Variants in AKR1C1 observed in about 807,000 individuals in gnomAD.
AKR1C1 encodes the protein aldo-keto reductase family 1 member C1.
AKR1C1 carries 32 observed loss-of-function variants against 40.6 expected under a neutral mutation model. The ratio of observed to expected loss-of-function variants is 0.79; its 90% CI spans 0.60 to 1.06. AKR1C1 has a LOEUF of 1.06. AKR1C1 is among the 50% of genes least tolerant of loss of function. The pLI, the probability that AKR1C1 is intolerant of heterozygous loss-of-function variation, is 0.00. For missense variants in AKR1C1, 320 were observed against 363.5 expected, an observed-to-expected ratio of 0.88 and a Z score of 0.97; for synonymous variants, 105 against 134.2, an observed-to-expected ratio of 0.78 and a Z score of 1.50.
intron 5 of AKR1C1, chr10:4,969,905 C>T (rs560673844): frequency 5.6e-4 from 312 of 560,074 alleles, no homozygotes; most frequent in African/African-American, 3.6e-3. Context: ...TATAATGATA[C>T]GGTGCTGTGA....
At chr10:4,971,588 T>C (rs1333621288) in intron 5 of AKR1C1, among the ~76,000 whole-genome samples, 2 of 148,222 alleles carry the variant, frequency 1.3e-5, no homozygotes, top group African/African-American at 4.9e-5. Flanking sequence ...ACAAAAGCAC[T>C]TGTTTCATAG....
rs1836605653 is a variant in AKR1C1, at chr10:4,980,962, C to A, written c.*3220C>A. On this transcript the variant is annotated 3_prime_UTR_variant, in exon 9 of 9. Coordinates refer to ENST00000380872, the MANE Select transcript of AKR1C1 (RefSeq NM_001353.6). ...GAAATGTATTTCCTGAACCATAAAA[C>A]AAGAACATCAAAATTACTCTATGAT... 1 of 152,156 alleles carries A rather than the reference C, an allele frequency of 6.6e-6. No individual in the cohort carries two copies. Among genetic ancestry groups the A allele is most frequent in the Non-Finnish European group, 1.5e-5 (1 of 68,022 alleles). 9.4% of individuals were successfully genotyped at this position (152,156 alleles called of 1,614,324 possible).
chr10:4,974,987 A>G (rs1836503670), intron 7 of AKR1C1, among the ~76,000 whole-genome samples: 2 of 152,108 alleles, frequency 1.3e-5, no homozygotes, highest in Non-Finnish European at 2.9e-5. Context: ...TGTGGAGAGA[A>G]CTAAATGTTT....
chr10:4,965,310 C>T (rs1372307077), intron 1 of AKR1C1, among the ~76,000 whole-genome samples: 1 of 152,058 alleles, frequency 6.6e-6, no homozygotes, highest in Non-Finnish European at 1.5e-5. Context: ...CTCGCTTTGT[C>T]GTCCAGGCTG....
In AKR1C1 at chr10:4,968,355, T is replaced by C; in HGVS notation, c.416T>C (p.Phe139Ser). The change falls in exon 4 of 9, where the codon TTT becomes TCT. Residue 139 changes from phenylalanine (F) to serine (S), a missense_variant. Phe to Ser is a radical substitution (Grantham distance 155). Around this residue, in one of 3 missense-constraint regions of AKR1C1, gnomAD observed 214 missense variants for 214.8 expected, o/e 1.00. Transcript: ENST00000380872. The part of the protein sequence containing the change: ...IPKDENGKIL[F>S]DTVDLCATWE... ...AAAGATGAAAATGGAAAAATACTAT[T>C]TGACACAGTGGATCTCTGTGCCACA... The C allele has an allele frequency of 6.3e-7, 1 of 1,576,582 alleles. No homozygotes were observed. The highest frequency in any genetic ancestry group is 1.7e-5 in the Admixed American group (1 of 57,336).
Position 4,972,571 on chromosome 10 carries a change from C to A in AKR1C1, c.681-13C>A. ...CAGCCTCAGGGCCTCAGCCTTTCTG[C>A]CTTTCCTTCCAGGGTGGACCCGAAC... On this transcript the variant is annotated splice_polypyrimidine_tract_variant and intron_variant, in intron 6 of 8. Transcript: ENST00000380872. 6.2e-7 allele frequency: 1 copy of A among 1,613,328 alleles called. No individual in the cohort carries two copies. The highest frequency in any genetic ancestry group is 8.5e-7 in the Non-Finnish European group (1 of 1,179,698).
Position 4,976,441 on chromosome 10 carries a change from A to C in AKR1C1, c.929+508A>C, listed in dbSNP as rs1836527071. Among the ~76,000 whole-genome samples, 3 of 152,094 alleles carry C rather than the reference A, an allele frequency of 2.0e-5. 1 individual carries two copies. The highest frequency in any genetic ancestry group is 2.0e-4 in the Admixed American group (3 of 15,268). ...TCGATTTAGCATTTTTAATCATTTC[A>C]AACCTTTTTCGTGCCTGTCTTTGCA... On this transcript the variant is annotated intron_variant, in intron 8 of 8. Coordinates refer to ENST00000380872, the MANE Select transcript of AKR1C1 (RefSeq NM_001353.6).
intron 8 of AKR1C1, among the ~76,000 whole-genome samples, chr10:4,976,724 AAAG>A (rs1380728458): frequency 2.6e-5 from 4 of 152,220 alleles, no homozygotes; most frequent in Non-Finnish European, 5.9e-5. Flanking sequence ...ATGAGGGAAA[AAAG>A]AAGTTATGTA....
chr10:4,974,371 C>T (rs1403479812), intron 7 of AKR1C1, among the ~76,000 whole-genome samples: 1 of 151,598 alleles, frequency 6.6e-6, no homozygotes, highest in Non-Finnish European at 1.5e-5. Flanking sequence ...TAACATCTCC[C>T]AAATTTTACC....
At chr10:4,968,101 A>G in intron 3 of AKR1C1, 1 of 1,031,084 alleles carries the variant, frequency 9.7e-7, no homozygotes, top group South Asian at 1.8e-5. Context: ...TTATTTATAC[A>G]TGTAATAGTT....
Position 4,963,435 on chromosome 10 carries a change from A to C in AKR1C1, c.-10A>C. The stretch of plus-strand genomic sequence containing the variant: ...GAAAGAAACATTTGCCAGCCAGGCT[A>C]GTGACAGAAATGGATTCGAAATATC... On this transcript the variant is annotated 5_prime_UTR_variant, in exon 1 of 9. Coordinates refer to ENST00000380872, the MANE Select transcript of AKR1C1 (RefSeq NM_001353.6). 1 of 1,614,028 alleles carries C rather than the reference A, an allele frequency of 6.2e-7. No individual in the cohort carries two copies. Among genetic ancestry groups the C allele is most frequent in the Non-Finnish European group, 8.5e-7 (1 of 1,179,892 alleles).
rs75268655 is a variant in AKR1C1 at position 4,977,681 on chromosome 10, T to C, written c.930-19T>C. 3.3e-5 allele frequency: 53 copies of C among 1,591,136 alleles called. No homozygotes were observed. Among genetic ancestry groups the C allele is most frequent in the South Asian group, 7.9e-5 (7 of 88,716 alleles). ...GAGTCATTGCCATTCAGAGTGTGCA[T>C]TTTTTTTTCTCTTTCCAGTTTTGCT... On this transcript the variant is annotated intron_variant, in intron 8 of 8. Transcript: ENST00000380872.
chr10:4,966,605 T>G (rs916169395), intron 2 of AKR1C1, among the ~76,000 whole-genome samples: 1 of 152,244 alleles, frequency 6.6e-6, no homozygotes, highest in Non-Finnish European at 1.5e-5. Context: ...GCTGAATAGA[T>G]GAAATAATTA....
chr10:4,973,396 C>T, intron 7 of AKR1C1, among the ~76,000 whole-genome samples: 1 of 152,194 alleles, frequency 6.6e-6, no homozygotes, highest in South Asian at 2.1e-4. Flanking sequence ...GGCAGTGAGG[C>T]AGCTCTGCTT....
chr10:4,977,782 G>T lies in AKR1C1; in HGVS notation c.*40G>T. ...CATGAGGTCTGCCAGAAGGCCCTGC[G>T]TGTGGATGGTGACACAGAGGATGGC... On this transcript the variant is annotated 3_prime_UTR_variant, in exon 9 of 9. Coordinates refer to ENST00000380872, the MANE Select transcript of AKR1C1 (RefSeq NM_001353.6). 3 of 1,494,790 alleles carry T rather than the reference G, an allele frequency of 2.0e-6. No individual in the cohort carries two copies. In the South Asian group the frequency reaches 3.4e-5, roughly 17 times the overall value. 92.6% of individuals were successfully genotyped at this position (1,494,790 alleles called of 1,614,324 possible).
At position 4,968,228 on chromosome 10, in the gene AKR1C1, G is replaced by A. The variant is rs1836360025; in HGVS notation, c.370-81G>A. 2 of 1,402,862 alleles carry A rather than the reference G, an allele frequency of 1.4e-6. 1 individual carries two copies. Among genetic ancestry groups the A allele is most frequent in the African/African-American group, 2.8e-5 (2 of 72,260 alleles). 86.9% of individuals were successfully genotyped at this position (1,402,862 alleles called of 1,614,324 possible). A position where few individuals can be genotyped will look rare whatever the true frequency, so the allele number is the denominator to read the frequency against. On this transcript the variant is annotated intron_variant, in intron 3 of 8. Transcript: ENST00000380872. ...ATCACCTACCTCATGGAGGATTAGT[G>A]TCCTTAAATGTACCTCAGAGCATGG...
chr10:4,972,754 G>A lies in AKR1C1; in HGVS notation c.846+5G>A, dbSNP rs1164682492. ...CGCATCAGACAGAACGTGCAGGTGAGGAGCGGGGCTGTGGGCCTCAGGTCT... is the reference window on the plus strand; with the variant it reads ...CGCATCAGACAGAACGTGCAGGTGAAGAGCGGGGCTGTGGGCCTCAGGTCT... On this transcript the variant is annotated splice_donor_5th_base_variant and intron_variant, in intron 7 of 8. Transcript: ENST00000380872. 2 of 1,611,450 alleles carry A rather than the reference G, an allele frequency of 1.2e-6. No individual in the cohort carries two copies. Among genetic ancestry groups the A allele is most frequent in the African/African-American group, 2.7e-5 (2 of 74,864 alleles).
Position 4,968,931 on chromosome 10 carries a change from C to G in AKR1C1, c.557C>G (p.Pro186Arg). The G allele has an allele frequency of 1.9e-6, 3 of 1,614,188 alleles. No individual in the cohort carries two copies. The highest frequency in any genetic ancestry group is 2.5e-6 in the Non-Finnish European group (3 of 1,180,034). Residue 186 changes from proline (P) to arginine (R), a missense_variant, in exon 5 of 9, where the codon CCT (proline) becomes CGT (arginine). Pro to Arg is a moderately radical substitution (Grantham distance 103). Transcript: ENST00000380872. ...ILNKPGLKYKPVCNQVECHPY... is the reference protein window; with the variant it reads ...ILNKPGLKYKRVCNQVECHPY... ...AACAAGCCAGGGCTCAAGTACAAGC[C>G]TGTCTGCAACCAGGTGAGCACCCTC...
intron 6 of AKR1C1, 73 bp from the exon 7 acceptor site, chr10:4,972,511 G>C: frequency 6.8e-6 from 11 of 1,610,380 alleles, no homozygotes; most frequent in Non-Finnish European, 9.3e-6. Context: ...GGACGCCTTA[G>C]TCTGTTTAGG....
Sources: allele counts gnomAD v4.1 joint callset (sites outside exome capture counted in the v4.1 genomes callset), GRCh38; gene constraint gnomAD v4.1.1; regional missense constraint gnomAD v4.1.1; transcripts MANE v1.5; gene names NCBI Gene and HGNC (gene_info 2026-07-23, HGNC 2026-07-21).